Variants in CLASRP observed in about 807,000 individuals in gnomAD.
CLASRP encodes the protein CLK4 associating serine/arginine rich protein.
CLASRP carries 52 observed loss-of-function variants against 99.9 expected under a neutral mutation model. The observed-to-expected ratio is 0.52, with a 90% confidence interval of 0.42 to 0.66. CLASRP has a LOEUF of 0.66. Among genes scored for constraint, CLASRP ranks in the 30% least tolerant of loss-of-function variants. The probability of loss-of-function intolerance (pLI) is 0.00; values close to 1 mark genes in which losing one functional copy is unlikely to be tolerated. For missense variants in CLASRP, 848 were observed against 999.2 expected, an observed-to-expected ratio of 0.85 and a Z score of 2.04; for synonymous variants, 379 against 373.0, an observed-to-expected ratio of 1.02 and a Z score of -0.18.
At position 45,067,539 on chromosome 19, in the gene CLASRP, A is replaced by G. The variant is rs1335647897; in HGVS notation, c.1612A>G (p.Arg538Gly). ...RSQSPSPSPA[R>G]EKLTRPAASP... is the part of the protein sequence containing the mutation. Reference sequence around the variant, plus strand: ...CCAGAGCCCCTCGCCATCACCCGCAAGAGAGAAGCTGACCAGGCCGGCCGC... The same window carrying G: ...CCAGAGCCCCTCGCCATCACCCGCAGGAGAGAAGCTGACCAGGCCGGCCGC... The change falls in exon 14 of 21, where the codon AGA becomes GGA. Residue 538 changes from arginine (R) to glycine (G), a missense_variant. Coordinates refer to ENST00000221455, the MANE Select transcript of CLASRP (RefSeq NM_007056.3). The surrounding 1 kb of genome is among the most constrained non-coding windows in gnomAD (Gnocchi z 4.9). 3 of 1,605,112 alleles carry G rather than the reference A, an allele frequency of 1.9e-6. No individual in the cohort carries two copies. The highest frequency in any genetic ancestry group is 2.2e-5 in the East Asian group (1 of 44,824).
chr19:45,064,671 G>T (rs948010012), intron 13 of CLASRP, 41 bp downstream of exon 13: 2 of 1,505,142 alleles, frequency 1.3e-6, no homozygotes, highest in East Asian at 2.4e-5. Flanking sequence ...GGCTGGGGGG[G>T]CGCGGTCTCC....
intron 11 of CLASRP, among the ~76,000 whole-genome samples, chr19:45,063,403 A>G (rs1034107546): frequency 7.9e-6 from 1 of 126,844 alleles, no homozygotes; most frequent in Non-Finnish European, 1.7e-5. Context: ...TTTGAGTAAA[A>G]CTTTTCTGTG....
intron 10 of CLASRP, 71 bp from the exon 11 acceptor site, chr19:45,062,083 G>A: frequency 1.1e-6 from 1 of 939,448 alleles, no homozygotes; most frequent in Non-Finnish European, 1.8e-6. Flanking sequence ...CAGGTTGGCG[G>A]GCTTATCCCA....
At chr19:45,050,688 C>T (rs1037016645) in intron 2 of CLASRP, among the ~76,000 whole-genome samples, 1 of 151,964 alleles carries the variant, frequency 6.6e-6, no homozygotes, top group Non-Finnish European at 1.5e-5. Context: ...ATTCTTGTCA[C>T]TACTTGTGTT....
chr19:45,059,471 C>A, intron 8 of CLASRP, 107 bp downstream of exon 8: 2 of 972,016 alleles, frequency 2.1e-6, no homozygotes, highest in Non-Finnish European at 3.1e-6. Context: ...ATTTGTGTGC[C>A]TGGCCCTGGG....
intron 2 of CLASRP, among the ~76,000 whole-genome samples, chr19:45,044,702 C>T (rs1318905485): frequency 6.6e-6 from 1 of 152,066 alleles, no homozygotes; most frequent in Admixed American, 6.5e-5. Context: ...GGTGGGGCTA[C>T]AGTGAGCTGT....
chr19:45,069,567 C>CT, intron 18 of CLASRP: 1 of 535,472 alleles, frequency 1.9e-6, no homozygotes, highest in South Asian at 2.1e-5. Context: ...CGCCATGGGT[C>CT]TTTCTCCTGT....
At chr19:45,064,905 C>T (rs1967048757) in intron 13 of CLASRP, among the ~76,000 whole-genome samples, 1 of 152,144 alleles carries the variant, frequency 6.6e-6, no homozygotes, top group South Asian at 2.1e-4. Flanking sequence ...ATCTCTCTCT[C>T]CTCAGGAGAC....
At chr19:45,049,138 G>A (rs916117626) in intron 2 of CLASRP, among the ~76,000 whole-genome samples, 1 of 152,092 alleles carries the variant, frequency 6.6e-6, no homozygotes, top group Non-Finnish European at 1.5e-5. Context: ...GTTTACTCCC[G>A]GCTCAGTGCT....
At chr19:45,040,050 C>T in intron 1 of CLASRP, 134 bp from the exon 2 acceptor site, 1 of 562,542 alleles carries the variant, frequency 1.8e-6, no homozygotes, top group Non-Finnish European at 3.2e-6. Flanking sequence ...TGTTCTGCAG[C>T]TTCACTTCTG....
Position 45,068,007 on chromosome 19 carries a change from C to A in CLASRP, c.1668-8C>A, listed in dbSNP as rs762937565. 2.5e-6 allele frequency: 4 copies of A among 1,611,154 alleles called. No homozygotes were observed. In the South Asian group the frequency reaches 3.3e-5, roughly 13 times the overall value. On this transcript the variant is annotated splice_region_variant and splice_polypyrimidine_tract_variant and intron_variant, in intron 14 of 20. Transcript: ENST00000221455. ...CCAACCATGTCCTCTGGCCCTGCCCCCACCCAGGACCGAACCTGCCGCTGG... is the reference window on the plus strand; with the variant it reads ...CCAACCATGTCCTCTGGCCCTGCCCACACCCAGGACCGAACCTGCCGCTGG...
intron 19 of CLASRP, 35 bp from the exon 20 acceptor site, chr19:45,070,502 G>A: frequency 6.2e-7 from 1 of 1,611,564 alleles, no homozygotes; most frequent in Non-Finnish European, 8.5e-7. Context: ...GGCCCTGGAT[G>A]TTTGCTCGCT....
chr19:45,066,292 G>A (rs926304877), intron 13 of CLASRP, among the ~76,000 whole-genome samples: 1 of 151,810 alleles, frequency 6.6e-6, no homozygotes, highest in African/African-American at 2.4e-5. Flanking sequence ...GCTAATTTTT[G>A]TATTTCTAGT....
At chr19:45,056,049 GGCA>G (rs1423316695) in intron 5 of CLASRP, among the ~76,000 whole-genome samples, 2 of 152,118 alleles carry the variant, frequency 1.3e-5, no homozygotes, top group African/African-American at 4.8e-5. Flanking sequence ...GCCACAGAGA[GGCA>G]TGCAGTGGAG....
chr19:45,040,227 T>C lies in CLASRP; in HGVS notation c.15T>C (p.Ala5=). MWHE[A]RKHERKLRGM... ...GCCTCACCACAATGTGGCACGAGGC[T>C]CGGAAGCATGAGCGGAAGCTTCGAG... Residue 5 remains alanine, a synonymous_variant, in exon 2 of 21, where the codon GCT becomes GCC. Coordinates refer to ENST00000221455, the MANE Select transcript of CLASRP (RefSeq NM_007056.3). The C allele has an allele frequency of 1.2e-6, 2 of 1,609,342 alleles. No individual in the cohort carries two copies. Among genetic ancestry groups the C allele is most frequent in the Non-Finnish European group, 1.7e-6 (2 of 1,178,584 alleles).
intron 16 of CLASRP, 88 bp downstream of exon 16, chr19:45,068,568 C>A: frequency 1.9e-6 from 2 of 1,028,586 alleles, no homozygotes; most frequent in Non-Finnish European, 3.1e-6. Context: ...CTTTGGGAGG[C>A]CTGGCCCTTC....
intron 2 of CLASRP, among the ~76,000 whole-genome samples, chr19:45,051,385 C>T (rs776586603): frequency 2.0e-5 from 3 of 151,908 alleles, no homozygotes; most frequent in Admixed American, 1.3e-4. Flanking sequence ...ACAATCTCAG[C>T]TCACTGCAAC....
rs1370169848 is a variant in CLASRP at position 45,062,279 on chromosome 19, C to T, written c.905+84C>T. On this transcript the variant is annotated intron_variant, in intron 11 of 20. Transcript: ENST00000221455. The stretch of plus-strand genomic sequence containing the variant: ...GGTGCTGAGGAGGGGATGGGAGGTT[C>T]ACCCTGCTAGGCCACCCCAAGATCA... 4.7e-6 allele frequency: 4 copies of T among 855,190 alleles called. No individual in the cohort carries two copies. In the Admixed American group the frequency reaches 5.3e-5, roughly 11 times the overall value. The allele number at this position is 855,190 out of a possible 1,614,324, so 53.0% of individuals were successfully genotyped here.
chr19:45,059,178 G>C (rs995931859), intron 7 of CLASRP, 90 bp from the exon 8 acceptor site: 3 of 1,037,876 alleles, frequency 2.9e-6, no homozygotes, highest in African/African-American at 1.6e-5. Context: ...TCTGGCGGGC[G>C]CCCCATCATC....
Sources: gnomAD v4.1 joint callset for allele counts (sites outside exome capture counted in the v4.1 genomes callset) on GRCh38, gnomAD v4.1.1 for gene constraint, Gnocchi (gnomAD v3.1) non-coding constraint, MANE v1.5 for transcripts, NCBI Gene and HGNC (gene_info 2026-07-23, HGNC 2026-07-21) for gene names.